Variants in ZNF560 observed in about 807,000 individuals in gnomAD.
ZNF560 encodes the protein zinc finger protein 560.
Under a neutral mutation model 81.8 loss-of-function variants are expected in ZNF560, and 54 were observed. That is an observed-to-expected ratio of 0.66 (90% CI 0.53 to 0.83). The LOEUF (loss-of-function observed/expected upper bound fraction) is 0.83, where lower values mean the gene tolerates loss of function less well. Among genes scored for constraint, ZNF560 ranks in the 40% least tolerant of loss-of-function variants. ZNF560 has a pLI of 0.00. For synonymous variants in ZNF560, 321 were observed against 317.9 expected (o/e 1.01, Z -0.10); for missense variants, 940 against 932.4 (o/e 1.01, Z -0.11).
At chr19:9,479,972 T>C (rs1199721323) in intron 2 of ZNF560, among the ~76,000 whole-genome samples, 1 of 152,086 alleles carries the variant, frequency 6.6e-6, no homozygotes, top group Non-Finnish European at 1.5e-5. Context: ...CGTAAACATA[T>C]AAAGCAAATT....
At chr19:9,469,254 A>G (rs1473423851) in intron 8 of ZNF560, 67 bp from the exon 9 acceptor site, 1 of 1,261,280 alleles carries the variant, frequency 7.9e-7, no homozygotes, top group Non-Finnish European at 1.1e-6. Context: ...TAAAAAGCAG[A>G]TAGATTTGAA....
At chr19:9,452,708 A>G in the ZNF560 span, among the ~76,000 whole-genome samples, 39 of 152,334 alleles carry the variant, frequency 2.6e-4, no homozygotes, top group South Asian at 5.6e-3. Flanking sequence ...AATCATGGAT[A>G]CAACGATGGG....
the ZNF560 span, among the ~76,000 whole-genome samples, chr19:9,504,182 CCAG>C: frequency 6.6e-6 from 1 of 151,984 alleles, no homozygotes; most frequent in Non-Finnish European, 1.5e-5. Context: ...ACCTGTAATC[CCAG>C]CATTTTGGGA....
chr19:9,470,792 A>T (rs570783228), intron 6 of ZNF560, among the ~76,000 whole-genome samples: 1 of 152,302 alleles, frequency 6.6e-6, no homozygotes, highest in South Asian at 2.1e-4. Context: ...CTACTGCAAA[A>T]CACTCCTGAG....
At chr19:9,498,472 G>A (rs1179308264) in intron 1 of ZNF560, 66 bp downstream of exon 1, 2 of 152,554 alleles carry the variant, frequency 1.3e-5, no homozygotes, top group East Asian at 1.9e-4. Context: ...CGATTACCCT[G>A]GGTCGATTGT....
At chr19:9,460,120 C>A in the ZNF560 span, among the ~76,000 whole-genome samples, 2 of 152,100 alleles carry the variant, frequency 1.3e-5, no homozygotes, top group East Asian at 3.9e-4. Context: ...TGGGTGCCAT[C>A]GAGATATCTA....
At chr19:9,466,110 T>C (rs1369780340), downstream of ZNF560, among the ~76,000 whole-genome samples, 1 of 151,922 alleles carries the variant, frequency 6.6e-6, no homozygotes, top group African/African-American at 2.4e-5. Flanking sequence ...TTTTGGGAGG[T>C]GGAAGCACAT....
chr19:9,460,969 A>T, the ZNF560 span, among the ~76,000 whole-genome samples: 1 of 152,212 alleles, frequency 6.6e-6, no homozygotes. Context: ...AAACGATCAG[A>T]TGGTAAAAAT....
At chr19:9,469,298 T>TG in intron 8 of ZNF560, 111 bp from the exon 9 acceptor site, 1 of 784,060 alleles carries the variant, frequency 1.3e-6, no homozygotes, top group Non-Finnish European at 2.0e-6. Context: ...GGCAATCATA[T>TG]GGGGTCAAGT....
upstream of ZNF560, among the ~76,000 whole-genome samples, chr19:9,501,959 C>T (rs530489463): frequency 1.9e-3 from 282 of 151,822 alleles, 1 homozygote; most frequent in African/African-American, 6.4e-3. Flanking sequence ...TTGAGACCTG[C>T]CTGGCCAACA....
chr19:9,493,481 C>T (rs1361122963), intron 2 of ZNF560, among the ~76,000 whole-genome samples: 1 of 152,138 alleles, frequency 6.6e-6, no homozygotes. Flanking sequence ...TCTCCTGCCT[C>T]AGCCTCCCAA....
Position 9,474,439 on chromosome 19 carries a change from C to T in ZNF560, c.31-114G>A. The T allele has an allele frequency of 9.4e-6, 11 of 1,169,550 alleles. No homozygotes were observed. The South Asian group carries it at 1.7e-4, about 18-fold the overall frequency. 72.4% of individuals were successfully genotyped at this position (1,169,550 alleles called of 1,614,324 possible). A position where few individuals can be genotyped will look rare whatever the true frequency, so the allele number is the denominator to read the frequency against. On this transcript the variant is annotated intron_variant, in intron 3 of 9. Coordinates refer to ENST00000301480, the MANE Select transcript of ZNF560 (RefSeq NM_152476.3). ...AAAGAGTTGTGAGGTCTCTCATTAT[C>T]TACCCAAAGCTTAATAATCCCAGGT...
At chr19:9,475,474 T>C (rs532450917) in intron 2 of ZNF560, 105 bp from the exon 3 acceptor site, 1 of 635,494 alleles carries the variant, frequency 1.6e-6, no homozygotes, top group Non-Finnish European at 2.7e-6. Context: ...ATAATTCATA[T>C]AAACTCACAT....
chr19:9,464,731 C>T (rs1274699821), downstream of ZNF560, among the ~76,000 whole-genome samples: 1 of 151,904 alleles, frequency 6.6e-6, no homozygotes, highest in Non-Finnish European at 1.5e-5. Context: ...CAGTTGTAAC[C>T]CAGAGGATGT....
downstream of ZNF560, among the ~76,000 whole-genome samples, chr19:9,464,716 T>C (rs1358961703): frequency 6.6e-6 from 1 of 152,198 alleles, no homozygotes; most frequent in Non-Finnish European, 1.5e-5. Flanking sequence ...AGGCCCACTT[T>C]AGGTCAGTTG....
At chr19:9,486,580 A>G (rs2073387535) in intron 2 of ZNF560, among the ~76,000 whole-genome samples, 1 of 152,066 alleles carries the variant, frequency 6.6e-6, no homozygotes, top group South Asian at 2.1e-4. Flanking sequence ...TCTCTAGCAA[A>G]TAGACAAAAA....
At chr19:9,480,680 CT>C (rs1207650627) in intron 2 of ZNF560, among the ~76,000 whole-genome samples, 1 of 151,484 alleles carries the variant, frequency 6.6e-6, no homozygotes, top group Non-Finnish European at 1.5e-5. Context: ...TGGTTCACAA[CT>C]GTAATTGCAG....
intron 4 of ZNF560, among the ~76,000 whole-genome samples, chr19:9,473,559 C>T (rs1277907440): frequency 6.7e-6 from 1 of 148,384 alleles, no homozygotes; most frequent in Non-Finnish European, 1.5e-5. Context: ...TCCTGGACAA[C>T]AAGAGCAAAA....
chr19:9,499,594 A>G (rs1021148992), upstream of ZNF560, among the ~76,000 whole-genome samples: 8 of 152,228 alleles, frequency 5.3e-5, no homozygotes, highest in Admixed American at 6.5e-5. Flanking sequence ...TTTATGAAAT[A>G]ACACTGATAC....
Sources: allele counts gnomAD v4.1 joint callset (sites outside exome capture counted in the v4.1 genomes callset), GRCh38; gene constraint gnomAD v4.1.1; transcripts MANE v1.5; gene names NCBI Gene and HGNC (gene_info 2026-07-23, HGNC 2026-07-21).